CDK14: variants seen among roughly 807,000 people sequenced by gnomAD.
CDK14 encodes cyclin-dependent kinase 14.
CDK14 carries 34 observed loss-of-function variants against 60.7 expected under a neutral mutation model. The ratio of observed to expected loss-of-function variants is 0.56; its 90% CI spans 0.43 to 0.75. The LOEUF is 0.75. Ranked by LOEUF, CDK14 falls within the 30% of genes least tolerant of loss-of-function variation. The probability of loss-of-function intolerance (pLI) is 0.00; values close to 1 mark genes in which losing one functional copy is unlikely to be tolerated. For synonymous variants in CDK14, 197 were observed against 203.7 expected, an observed-to-expected ratio of 0.97 and a Z score of 0.28; for missense variants, 482 against 564.1, an observed-to-expected ratio of 0.85 and a Z score of 1.47.
At chr7:90,651,626 G>A (rs1293108653) in intron 2 of CDK14, among the ~76,000 whole-genome samples, 1 of 152,078 alleles carries the variant, frequency 6.6e-6, no homozygotes, top group East Asian at 1.9e-4. Flanking sequence ...TTCTGGATAT[G>A]TCACCCCTCA....
At chr7:90,887,268 G>A (rs912681881) in intron 6 of CDK14, among the ~76,000 whole-genome samples, 22 of 152,112 alleles carry the variant, frequency 1.4e-4, no homozygotes, top group African/African-American at 4.8e-4. Flanking sequence ...TCCTTTTCTC[G>A]TTGAGTTTGA....
At chr7:90,891,979 A>G (rs575319507) in intron 6 of CDK14, among the ~76,000 whole-genome samples, 1 of 152,238 alleles carries the variant, frequency 6.6e-6, no homozygotes, top group East Asian at 1.9e-4. Context: ...GGAAAACCTC[A>G]CTTCATGAAT....
chr7:90,707,425 T>C (rs1801922711), intron 2 of CDK14, among the ~76,000 whole-genome samples: 2 of 152,090 alleles, frequency 1.3e-5, no homozygotes, highest in South Asian at 4.1e-4. Flanking sequence ...CTAGCTTAGC[T>C]TCCCAAGTGG....
intron 10 of CDK14, among the ~76,000 whole-genome samples, chr7:91,006,940 G>T (rs1462907719): frequency 6.6e-6 from 1 of 152,104 alleles, no homozygotes; most frequent in Non-Finnish European, 1.5e-5. Flanking sequence ...GAAAATTTAG[G>T]TCATGCCAAT....
intron 4 of CDK14, among the ~76,000 whole-genome samples, chr7:90,751,201 A>G (rs1332392219): frequency 6.6e-6 from 1 of 152,184 alleles, no homozygotes; most frequent in East Asian, 1.9e-4. Context: ...GAGATACTAT[A>G]TAAAATGAAC....
intron 12 of CDK14, among the ~76,000 whole-genome samples, chr7:91,088,482 G>A (rs1798704320): frequency 6.6e-6 from 1 of 151,932 alleles, no homozygotes; most frequent in Admixed American, 6.6e-5. Flanking sequence ...TTCTCTGAAA[G>A]AATATTTTAA....
intron 12 of CDK14, among the ~76,000 whole-genome samples, chr7:91,104,945 T>A (rs1799243950): frequency 6.6e-6 from 1 of 152,178 alleles, no homozygotes; most frequent in South Asian, 2.1e-4. Context: ...GACTTAAAAA[T>A]TATAAGCATA....
At chr7:90,735,405 G>A (rs1456757123) in intron 3 of CDK14, among the ~76,000 whole-genome samples, 1 of 152,168 alleles carries the variant, frequency 6.6e-6, no homozygotes, top group Non-Finnish European at 1.5e-5. Context: ...CTGAAGCTGC[G>A]CCCACAGCCG....
At chr7:90,698,759 A>G (rs1221339372) in intron 2 of CDK14, among the ~76,000 whole-genome samples, 4 of 152,122 alleles carry the variant, frequency 2.6e-5, no homozygotes, top group African/African-American at 9.6e-5. Context: ...AGCATTTGCT[A>G]CTCACTAAAT....
intron 2 of CDK14, among the ~76,000 whole-genome samples, chr7:90,708,468 T>A (rs1411069366): frequency 6.6e-6 from 1 of 152,194 alleles, no homozygotes; most frequent in Non-Finnish European, 1.5e-5. Flanking sequence ...TTTGACTTTG[T>A]TGAAGATGAA....
At chr7:90,687,077 T>C (rs1025632873) in intron 2 of CDK14, among the ~76,000 whole-genome samples, 7 of 152,062 alleles carry the variant, frequency 4.6e-5, no homozygotes, top group Non-Finnish European at 5.9e-5. Context: ...CTGTGACTTA[T>C]GCAACTTAGA....
chr7:90,914,815 C>G (rs1031785995), intron 7 of CDK14, among the ~76,000 whole-genome samples: 2 of 152,184 alleles, frequency 1.3e-5, no homozygotes, highest in African/African-American at 4.8e-5. Flanking sequence ...CTCGAGAATT[C>G]CATTCCAAGG....
chr7:90,735,292 G>A (rs1348193577), intron 3 of CDK14, among the ~76,000 whole-genome samples: 3 of 152,314 alleles, frequency 2.0e-5, no homozygotes, highest in African/African-American at 7.2e-5. Flanking sequence ...GGGGTTCAGG[G>A]ACCCACTTGA....
At chr7:90,740,119 C>T (rs1221904089) in intron 3 of CDK14, among the ~76,000 whole-genome samples, 1 of 130,968 alleles carries the variant, frequency 7.6e-6, no homozygotes, top group Non-Finnish European at 1.6e-5. Flanking sequence ...TTACGTGGAA[C>T]CAAGTTAAAT....
At position 91,200,700 on chromosome 7, in the gene CDK14, G is replaced by C. The variant is rs564874312; in HGVS notation, c.*29-6465G>C. ...AGGATATCTACTCCAGTGGTCACTG[G>C]GATCCTCTGACTGTCTGGGTGCCCA... On this transcript the variant is annotated intron_variant, in intron 14 of 14. Transcript: ENST00000380050. Among the ~76,000 whole-genome samples, 3 of 152,152 alleles carry C rather than the reference G, an allele frequency of 2.0e-5. No individual in the cohort carries two copies. In the East Asian group the frequency reaches 5.8e-4, roughly 29 times the overall value.
At position 90,737,576 on chromosome 7, in the gene CDK14, T is replaced by A. The variant is rs554991612; in HGVS notation, c.370-10105T>A. Among the ~76,000 whole-genome samples, 13 of 152,306 alleles carry A rather than the reference T, an allele frequency of 8.5e-5. No individual in the cohort carries two copies. The South Asian group carries it at 2.5e-3, about 29-fold the overall frequency. On this transcript the variant is annotated intron_variant, in intron 3 of 14. Coordinates refer to ENST00000380050, the MANE Select transcript of CDK14 (RefSeq NM_001287135.2). ...GTTGTTACCATGTGTGGTGTTTGGATCCATACCTCTGCACAGCACCTAGAT... is the reference window on the plus strand; with the variant it reads ...GTTGTTACCATGTGTGGTGTTTGGAACCATACCTCTGCACAGCACCTAGAT...
Position 90,835,771 on chromosome 7 carries a change from C to T in CDK14, c.545-27404C>T, listed in dbSNP as rs139314886. 4.4e-4 allele frequency among the ~76,000 whole-genome samples: 67 copies of T among 152,184 alleles called. 3 individuals carry two copies. The East Asian group carries it at 0.011, about 25-fold the overall frequency. On this transcript the variant is annotated intron_variant, in intron 5 of 14. Coordinates refer to ENST00000380050, the MANE Select transcript of CDK14 (RefSeq NM_001287135.2). Reference sequence around the variant, plus strand: ...AACAGAGTGCATTCTGATAAATGTACCGTTAGGTGATTCCATCTTTGTGCA... The same window carrying T: ...AACAGAGTGCATTCTGATAAATGTATCGTTAGGTGATTCCATCTTTGTGCA...
chr7:90,638,202 G>C (rs1388373596), intron 2 of CDK14, among the ~76,000 whole-genome samples: 1 of 152,146 alleles, frequency 6.6e-6, no homozygotes, highest in African/African-American at 2.4e-5. Flanking sequence ...TTGCTCGTTA[G>C]TTGATGCAGT....
At chr7:90,879,477 G>A (rs1251988043) in intron 6 of CDK14, among the ~76,000 whole-genome samples, 4 of 152,030 alleles carry the variant, frequency 2.6e-5, no homozygotes, top group South Asian at 2.1e-4. Flanking sequence ...TAGAAGCAGC[G>A]GTGATTGGAG....
Sources: allele counts gnomAD v4.1 joint callset (sites outside exome capture counted in the v4.1 genomes callset), GRCh38; gene constraint gnomAD v4.1.1; transcripts MANE v1.5; gene names NCBI Gene and HGNC (gene_info 2026-07-23, HGNC 2026-07-21).